Variants in CFAP65 observed in about 807,000 individuals in gnomAD.
CFAP65 encodes the protein cilia and flagella associated protein 65.
Under a neutral mutation model 208.0 loss-of-function variants are expected in CFAP65, and 155 were observed. The ratio of observed to expected loss-of-function variants is 0.75; its 90% CI spans 0.65 to 0.85. CFAP65 has a LOEUF of 0.85. CFAP65 is among the 40% of genes least tolerant of loss of function. The pLI is 0.00. For synonymous variants in CFAP65, 970 were observed against 986.3 expected, an observed-to-expected ratio of 0.98 and a Z score of 0.31; for missense variants, 2,294 against 2,451.3, an observed-to-expected ratio of 0.94 and a Z score of 1.36.
chr2:219,013,518 C>A lies in CFAP65; in HGVS notation c.3846+1G>T. On this transcript the variant is annotated splice_donor_variant, in intron 23 of 34. Coordinates refer to ENST00000341552, the MANE Select transcript of CFAP65 (RefSeq NM_194302.4). LOFTEE classifies it high-confidence loss of function. ...GCAGGGCCAGTGTGCTGGGGCCTCA[C>A]CAGGATCTCCCGGCCATGGGACACC... 1 of 1,596,834 alleles carries A rather than the reference C, an allele frequency of 6.3e-7. No individual in the cohort carries two copies. The highest frequency in any genetic ancestry group is 8.5e-7 in the Non-Finnish European group (1 of 1,173,274).
chr2:219,035,477 T>C lies in CFAP65; in HGVS notation c.542+3A>G. ...CTGGGTCCTTGATCCCTTATACTGG[T>C]ACCTGTACTTCATCTTCTGGAGTTT... On this transcript the variant is annotated splice_donor_region_variant and intron_variant, in intron 5 of 34. Transcript: ENST00000341552. 6.2e-7 allele frequency: 1 copy of C among 1,614,164 alleles called. No individual in the cohort carries two copies. The highest frequency in any genetic ancestry group is 8.5e-7 in the Non-Finnish European group (1 of 1,180,036).
At chr2:219,020,681 A>C (rs534222353) in intron 19 of CFAP65, among the ~76,000 whole-genome samples, 1 of 152,244 alleles carries the variant, frequency 6.6e-6, no homozygotes, top group South Asian at 2.1e-4. Context: ...TGCCCAGCTT[A>C]TTATCCCCAT....
Position 219,026,137 on chromosome 2 carries a change from A to C in CFAP65, c.2234T>G (p.Ile745Ser). Residue 745 changes from isoleucine to serine, a missense_variant, in exon 14 of 35, where the codon ATT becomes AGT. Transcript: ENST00000341552. ...TGGGCACATGGTGCAGTCCTCCTCA[A>C]TATTACTGTAGCTCTGCAGGACCTG... ...IYKVLQSYSN[I>S]EEDCTMCPSW... is the part of the protein sequence containing the mutation. 2 of 1,613,246 alleles carry C rather than the reference A, an allele frequency of 1.2e-6. No individual in the cohort carries two copies. The highest frequency in any genetic ancestry group is 1.7e-6 in the Non-Finnish European group (2 of 1,179,454).
intron 2 of CFAP65, 106 bp from the exon 3 acceptor site, chr2:219,039,156 T>TATACATAGCATCTGGC: frequency 1.0e-6 from 1 of 996,730 alleles, no homozygotes; most frequent in Non-Finnish European, 1.5e-6. Flanking sequence ...CATATATTTG[T>TATACATAGCATCTGGC]ATATATGCCA....
chr2:219,024,346 G>C, intron 14 of CFAP65, 86 bp from the exon 15 acceptor site: 1 of 1,502,372 alleles, frequency 6.7e-7, no homozygotes, highest in Non-Finnish European at 9.0e-7. Flanking sequence ...GGCTTGGGAG[G>C]AGCTGTCTCC....
At chr2:219,030,351 C>T (rs1485092973) in intron 9 of CFAP65, 143 bp from the exon 10 acceptor site, 3 of 882,742 alleles carry the variant, frequency 3.4e-6, no homozygotes, top group Non-Finnish European at 5.4e-6. Flanking sequence ...GGCCAGACTG[C>T]CTCCACCAGG....
Position 219,005,432 on chromosome 2 carries a change from A to G in CFAP65, c.5051+2T>C, listed in dbSNP as rs1238137332. 30 of 1,613,516 alleles carry G rather than the reference A, an allele frequency of 1.9e-5. No homozygotes were observed. Among genetic ancestry groups the G allele is most frequent in the Non-Finnish European group, 2.5e-5 (30 of 1,179,910 alleles). On this transcript the variant is annotated splice_donor_variant, in intron 32 of 34. Coordinates refer to ENST00000341552, the MANE Select transcript of CFAP65 (RefSeq NM_194302.4). LOFTEE classifies it high-confidence loss of function. ...ATGAGGGCCCAGGGTGTGAGCTGGT[A>G]CCTGATTATTGTGGTGAGAATGTCA...
At position 219,028,281 on chromosome 2, in the gene CFAP65, G is replaced by T; in HGVS notation, c.1771C>A (p.Pro591Thr). 6.2e-7 allele frequency: 1 copy of T among 1,614,084 alleles called. No individual in the cohort carries two copies. The highest frequency in any genetic ancestry group is 8.5e-7 in the Non-Finnish European group (1 of 1,180,000). ...THLARGLTLYPPDILDAMLKE... is the reference protein window; with the variant it reads ...THLARGLTLYTPDILDAMLKE... ...AGCATGGCATCCAGGATGTCAGGGG[G>T]GTAGAGCGTCAGGCCCCGGGCCAGG... The change falls in exon 12 of 35, where the codon CCC (proline) becomes ACC (threonine). Residue 591 changes from proline to threonine, a missense_variant. Pro to Thr is a conservative substitution (Grantham distance 38, BLOSUM62 -1). Coordinates refer to ENST00000341552, the MANE Select transcript of CFAP65 (RefSeq NM_194302.4).
At chr2:219,013,393 G>A in intron 23 of CFAP65, 24 bp from the exon 24 acceptor site, 1 of 1,582,816 alleles carries the variant, frequency 6.3e-7, no homozygotes, top group South Asian at 1.1e-5. Context: ...TTCCCCCGGA[G>A]GAACTGACAC....
intron 9 of CFAP65, 26 bp downstream of exon 9, chr2:219,030,663 T>C: frequency 6.2e-7 from 1 of 1,607,702 alleles, no homozygotes; most frequent in Non-Finnish European, 8.5e-7. Flanking sequence ...GCGTGAGTCC[T>C]GCCGCCCCTC....
At chr2:219,021,749 CT>C (rs1440182084) in intron 18 of CFAP65, 30 bp downstream of exon 18, 1 of 1,611,292 alleles carries the variant, frequency 6.2e-7, no homozygotes, top group Non-Finnish European at 8.5e-7. Context: ...CCCACCTCCC[CT>C]GGCCCCAGTC....
chr2:219,023,867 CA>C (rs1947436302), intron 15 of CFAP65, 147 bp downstream of exon 15: 1 of 988,976 alleles, frequency 1.0e-6, no homozygotes, highest in Non-Finnish European at 1.5e-6. Flanking sequence ...AGTGGTCAAG[CA>C]GGTTCTTTCC....
chr2:219,032,881 T>C lies in CFAP65; in HGVS notation c.543-309A>G, dbSNP rs1291901210. 1.3e-5 allele frequency among the ~76,000 whole-genome samples: 2 copies of C among 151,244 alleles called. No individual in the cohort carries two copies. The highest frequency in any genetic ancestry group is 1.9e-4 in the East Asian group (1 of 5,154). ...GAAGGGTTACCCAGATTTTAAAGAG[T>C]CCGCAAGCACTGAGGTGGGGGAACC... On this transcript the variant is annotated intron_variant, in intron 5 of 34. Coordinates refer to ENST00000341552, the MANE Select transcript of CFAP65 (RefSeq NM_194302.4). This position sits in a 1 kb window ranked among gnomAD's most constrained non-coding sequence, Gnocchi z 5.5.
Position 219,028,002 on chromosome 2 carries a change from T to C in CFAP65, c.1859A>G (p.Glu620Gly), listed in dbSNP as rs777300964. ...GALMIPIQDL[E>G]DMPAPQYPYI... ...AGGGTACTGCGGGGCCGGCATGTCC[T>C]CCAGATCCTGCATGGGGAAAGACAG... Residue 620 changes from glutamate (E) to glycine (G), a missense_variant, in exon 13 of 35, where the codon GAG becomes GGG. Glu to Gly is a moderately conservative substitution (Grantham distance 98, BLOSUM62 -2). Around this residue, in one of 2 missense-constraint regions of CFAP65, gnomAD observed 867 missense variants for 1,012.6 expected, o/e 0.86. Coordinates refer to ENST00000341552, the MANE Select transcript of CFAP65 (RefSeq NM_194302.4). The C allele has an allele frequency of 7.9e-6, 12 of 1,517,072 alleles. No homozygotes were observed. The highest frequency in any genetic ancestry group is 1.1e-5 in the Non-Finnish European group (12 of 1,134,280). The allele number at this position is 1,517,072 out of a possible 1,614,324, so 94.0% of individuals were successfully genotyped here.
In CFAP65 at chr2:219,019,496, C is replaced by G; in HGVS notation, c.3473+10G>C. The G allele has an allele frequency of 6.2e-7, 1 of 1,608,010 alleles. No homozygotes were observed. Among genetic ancestry groups the G allele is most frequent in the Non-Finnish European group, 8.5e-7 (1 of 1,177,364 alleles). On this transcript the variant is annotated intron_variant, in intron 20 of 34. Coordinates refer to ENST00000341552, the MANE Select transcript of CFAP65 (RefSeq NM_194302.4). ...CCCCAGCCCCCACCCCCACTCCAGG[C>G]TCAGCTCACCTGTGCCGGGTGGGCA... is the stretch of plus-strand genomic sequence containing the variant.
Position 219,006,113 on chromosome 2 carries a change from G to A in CFAP65, c.4830C>T (p.Gly1610=). 1 of 1,613,668 alleles carries A rather than the reference G, an allele frequency of 6.2e-7. No individual in the cohort carries two copies. Among genetic ancestry groups the A allele is most frequent in the Non-Finnish European group, 8.5e-7 (1 of 1,179,984 alleles). The change falls in exon 31 of 35, where the codon GGC becomes GGT. Residue 1610 remains glycine, a synonymous_variant. Transcript: ENST00000341552. ...SWPCPQPPSP[G]MLCLGLTARA... is the part of the protein sequence containing the mutation. ...GGGCAGTAAGGCCCAGGCAGAGCAT[G>A]CCTGGCGAGGGTGGCTGGGGGCAGG...
In CFAP65 at chr2:219,010,719, G is replaced by A; in HGVS notation, c.4150-15C>T. 1 of 1,599,984 alleles carries A rather than the reference G, an allele frequency of 6.3e-7. No homozygotes were observed. The highest frequency in any genetic ancestry group is 8.5e-7 in the Non-Finnish European group (1 of 1,172,862). On this transcript the variant is annotated splice_polypyrimidine_tract_variant and intron_variant, in intron 25 of 34. Transcript: ENST00000341552. Reference sequence around the variant, plus strand: ...GGCACGTCCACCTGGGGAGTTAGGAGGGTGGGGGTAGGGACTGGTCAGAGG... The same window carrying A: ...GGCACGTCCACCTGGGGAGTTAGGAAGGTGGGGGTAGGGACTGGTCAGAGG...
rs1574509016 is a variant in CFAP65 at position 219,005,311 on chromosome 2, C to A, written c.5051+123G>T. The A allele has an allele frequency of 6.7e-6, 9 of 1,342,864 alleles. No homozygotes were observed. The East Asian group carries it at 2.1e-4, about 31-fold the overall frequency. 83.2% of individuals were successfully genotyped at this position (1,342,864 alleles called of 1,614,324 possible). A position where few individuals can be genotyped will look rare whatever the true frequency, so the allele number is the denominator to read the frequency against. On this transcript the variant is annotated intron_variant, in intron 32 of 34. Coordinates refer to ENST00000341552, the MANE Select transcript of CFAP65 (RefSeq NM_194302.4). Reference sequence around the variant, plus strand: ...AAAGTGTTGGAATTACAGGCAAGAACCTCCATGCCCCACCAAGTTCTATTT... The same window carrying A: ...AAAGTGTTGGAATTACAGGCAAGAAACTCCATGCCCCACCAAGTTCTATTT...
chr2:219,035,919 C>A (rs938576795), intron 4 of CFAP65, among the ~76,000 whole-genome samples: 14 of 152,212 alleles, frequency 9.2e-5, no homozygotes, highest in African/African-American at 3.4e-4. Context: ...GCCCCTGCCC[C>A]TGAAGCCTTC....
Sources: allele counts gnomAD v4.1 joint callset (sites outside exome capture counted in the v4.1 genomes callset), GRCh38; gene constraint gnomAD v4.1.1; regional missense constraint gnomAD v4.1.1; non-coding constraint Gnocchi (gnomAD v3.1); transcripts MANE v1.5; gene names NCBI Gene and HGNC (gene_info 2026-07-23, HGNC 2026-07-21).